KLF12: variants seen among roughly 807,000 people sequenced by gnomAD.
The protein encoded by KLF12 is Krueppel-like factor 12.
Under a neutral mutation model 37.8 loss-of-function variants are expected in KLF12, and 9 were observed. The ratio of observed to expected loss-of-function variants is 0.24; its 90% CI spans 0.14 to 0.42. The LOEUF is 0.42. Among genes scored for constraint, KLF12 ranks in the 10% least tolerant of loss-of-function variants. The pLI, the probability that KLF12 is intolerant of heterozygous loss-of-function variation, is 1.00. For missense variants in KLF12, 411 were observed against 516.0 expected (o/e 0.80, Z 1.97); for synonymous variants, 208 against 202.1 (o/e 1.03, Z -0.25).
the KLF12 span, among the ~76,000 whole-genome samples, chr13:74,287,998 C>T: frequency 7.0e-6 from 1 of 141,960 alleles, no homozygotes; most frequent in Admixed American, 6.9e-5. Flanking sequence ...AACACTGTTA[C>T]TCGCTGAGGA....
the KLF12 span, among the ~76,000 whole-genome samples, chr13:74,262,884 T>A: frequency 0.29 from 44,635 of 152,050 alleles, 10,211 homozygotes; most frequent in African/African-American, 0.64. Flanking sequence ...ACAGAGTCCC[T>A]AATGTTATTG....
At chr13:74,177,797 G>A in the KLF12 span, among the ~76,000 whole-genome samples, 1 of 152,084 alleles carries the variant, frequency 6.6e-6, no homozygotes, top group African/African-American at 2.4e-5. Context: ...AAGTGGGAGA[G>A]AAAAATTCAA....
At chr13:74,232,882 TTTATTA>T in the KLF12 span, among the ~76,000 whole-genome samples, 1 of 132,554 alleles carries the variant, frequency 7.5e-6, no homozygotes, top group Non-Finnish European at 1.5e-5. Flanking sequence ...ATCTTATTTA[TTTATTA>T]TTATTATTAT....
intron 1 of KLF12, among the ~76,000 whole-genome samples, chr13:74,127,069 A>T (rs1035667807): frequency 5.9e-5 from 9 of 152,226 alleles, no homozygotes; most frequent in African/African-American, 2.2e-4. Flanking sequence ...GGCTCAATTG[A>T]TCATAGCTCG....
At chr13:74,134,782 C>T (rs894166264), upstream of KLF12, among the ~76,000 whole-genome samples, 3 of 151,884 alleles carry the variant, frequency 2.0e-5, no homozygotes, top group African/African-American at 7.2e-5. Context: ...GCCAGACAGG[C>T]TTAGGAGAAT....
intron 5 of KLF12, among the ~76,000 whole-genome samples, chr13:73,810,982 C>CTTTCTTTCTTTTTTTTTTTTTTTTTTT (rs1555308731): frequency 2.2e-5 from 1 of 44,808 alleles, no homozygotes; most frequent in Non-Finnish European, 4.0e-5. Flanking sequence ...ATTTTTCTTT[C>CTTTCTTTCTTTTTTTTTTTTTTTTTTT]TTTTTTTTTT....
intron 6 of KLF12, among the ~76,000 whole-genome samples, chr13:73,717,196 C>A (rs1336079134): frequency 1.3e-5 from 2 of 152,154 alleles, no homozygotes; most frequent in Admixed American, 6.5e-5. Context: ...GCTGGCCAGG[C>A]ACAGTGGCTC....
At chr13:74,000,291 T>G (rs1892240326) in intron 1 of KLF12, among the ~76,000 whole-genome samples, 1 of 152,180 alleles carries the variant, frequency 6.6e-6, no homozygotes, top group Non-Finnish European at 1.5e-5. Flanking sequence ...TACTTGCTTA[T>G]ACGAAGGTCC....
At chr13:74,103,431 C>T (rs190069519) in intron 1 of KLF12, among the ~76,000 whole-genome samples, 7 of 152,236 alleles carry the variant, frequency 4.6e-5, no homozygotes, top group Admixed American at 3.9e-4. Context: ...CAGTGCAGCA[C>T]GGAAAATGCC....
the KLF12 span, among the ~76,000 whole-genome samples, chr13:74,239,013 G>C: frequency 6.7e-6 from 1 of 149,770 alleles, no homozygotes; most frequent in East Asian, 2.0e-4. Context: ...TGCTTTTCTA[G>C]TTCTTTTACT....
At chr13:74,074,902 A>C (rs889884777) in intron 1 of KLF12, among the ~76,000 whole-genome samples, 21 of 152,226 alleles carry the variant, frequency 1.4e-4, no homozygotes, top group African/African-American at 5.1e-4. Context: ...AAAAGGCATA[A>C]TTTCTACAAA....
intron 5 of KLF12, among the ~76,000 whole-genome samples, chr13:73,811,145 C>T (rs1181594670): frequency 6.6e-6 from 1 of 151,564 alleles, no homozygotes; most frequent in East Asian, 1.9e-4. Flanking sequence ...ACCACCACGC[C>T]CAGCTAATTT....
intron 3 of KLF12, among the ~76,000 whole-genome samples, chr13:73,847,709 T>G (rs1367658998): frequency 6.6e-6 from 1 of 152,100 alleles, no homozygotes; most frequent in Non-Finnish European, 1.5e-5. Flanking sequence ...TTAGAAACAA[T>G]TAAAATGAGT....
At chr13:73,696,211 T>A (rs957073558) in intron 7 of KLF12, among the ~76,000 whole-genome samples, 3 of 152,290 alleles carry the variant, frequency 2.0e-5, no homozygotes, top group South Asian at 4.1e-4. Flanking sequence ...TAAGTACATA[T>A]TGTTCATAGA....
intron 6 of KLF12, among the ~76,000 whole-genome samples, chr13:73,731,536 C>CAAAAAAAAAAAAAA (rs66701744): frequency 1.9e-5 from 2 of 103,530 alleles, no homozygotes; most frequent in Admixed American, 1.2e-4. Flanking sequence ...GGAAATTAGA[C>CAAAAAAAAAAAAAA]AAAAAAAAAA....
At chr13:74,014,588 AAAAG>A (rs1183681367) in intron 1 of KLF12, among the ~76,000 whole-genome samples, 8 of 152,210 alleles carry the variant, frequency 5.3e-5, no homozygotes, top group Non-Finnish European at 8.8e-5. Flanking sequence ...TTATATACTG[AAAAG>A]AAAGAATGTA....
chr13:73,819,039 TAGTATC>T (rs1883386277), intron 4 of KLF12, among the ~76,000 whole-genome samples: 2 of 152,206 alleles, frequency 1.3e-5, no homozygotes, highest in African/African-American at 4.8e-5. Context: ...GGAAAATTCA[TAGTATC>T]AGTAGGTAGA....
chr13:73,921,407 G>T (rs1889111171), intron 3 of KLF12, among the ~76,000 whole-genome samples: 1 of 152,074 alleles, frequency 6.6e-6, no homozygotes, highest in South Asian at 2.1e-4. Flanking sequence ...CACAAAAGCT[G>T]GCAGAAAGAA....
At chr13:74,093,553 A>G (rs950568362) in intron 1 of KLF12, among the ~76,000 whole-genome samples, 1 of 152,196 alleles carries the variant, frequency 6.6e-6, no homozygotes, top group Non-Finnish European at 1.5e-5. Flanking sequence ...ACTATAAATA[A>G]CCATAAGATG....
Sources: allele counts gnomAD v4.1 joint callset (sites outside exome capture counted in the v4.1 genomes callset), GRCh38; gene constraint gnomAD v4.1.1; transcripts MANE v1.5; gene names NCBI Gene and HGNC (gene_info 2026-07-23, HGNC 2026-07-21).